Variants in DLG2 observed in about 807,000 individuals in gnomAD.
DLG2 encodes disks large homolog 2.
In DLG2, 45 loss-of-function variants were observed where a neutral mutation model predicts 132.5. That is an observed-to-expected ratio of 0.34 (90% CI 0.27 to 0.44). DLG2 has a LOEUF of 0.44. Ranked by LOEUF, DLG2 falls within the 20% of genes least tolerant of loss-of-function variation. The pLI, the probability that DLG2 is intolerant of heterozygous loss-of-function variation, is 1.00. For missense variants in DLG2, 1,045 were observed against 1,196.9 expected (o/e 0.87, Z 1.87); for synonymous variants, 424 against 419.6 (o/e 1.01, Z -0.13).
chr11:85,478,799 C>T (rs2093214451), intron 3 of DLG2, among the ~76,000 whole-genome samples: 1 of 152,094 alleles, frequency 6.6e-6, no homozygotes, highest in South Asian at 2.1e-4. Context: ...GTATATGTAA[C>T]AAATAATTGG....
intron 6 of DLG2, among the ~76,000 whole-genome samples, chr11:84,714,657 C>CTCTCTCTCTCTT (rs2060996201): frequency 1.4e-5 from 2 of 143,474 alleles, no homozygotes; most frequent in African/African-American, 5.6e-5. Context: ...TTCTCTCTCT[C>CTCTCTCTCTCTT]TCTCTCTCTC....
intron 3 of DLG2, among the ~76,000 whole-genome samples, chr11:85,334,320 CTTTT>C (rs762213624): frequency 1.8e-4 from 28 of 151,990 alleles, no homozygotes; most frequent in African/African-American, 6.5e-4. Flanking sequence ...GATCTTCTCT[CTTTT>C]TTTATTTATT....
intron 7 of DLG2, among the ~76,000 whole-genome samples, chr11:84,511,025 G>A (rs2099255731): frequency 6.6e-6 from 1 of 152,050 alleles, no homozygotes; most frequent in Admixed American, 6.6e-5. Context: ...TAGGGATAAG[G>A]AAATATCAAC....
chr11:83,562,094 G>A (rs1410843355), intron 19 of DLG2, among the ~76,000 whole-genome samples: 1 of 151,624 alleles, frequency 6.6e-6, no homozygotes, highest in East Asian at 1.9e-4. Context: ...TCACCATGTT[G>A]GCCAGGTTGG....
intron 3 of DLG2, among the ~76,000 whole-genome samples, chr11:85,349,117 G>A (rs1209515594): frequency 6.6e-6 from 1 of 152,082 alleles, no homozygotes; most frequent in Non-Finnish European, 1.5e-5. Context: ...TTGGAATTCA[G>A]GCTCAACTGA....
At chr11:84,020,114 G>A (rs2095346799) in intron 11 of DLG2, among the ~76,000 whole-genome samples, 1 of 152,124 alleles carries the variant, frequency 6.6e-6, no homozygotes, top group Non-Finnish European at 1.5e-5. Flanking sequence ...GGAGGCACTG[G>A]AGGTTTCAAG....
At chr11:85,290,121 C>T (rs992789952) in intron 3 of DLG2, among the ~76,000 whole-genome samples, 1 of 152,094 alleles carries the variant, frequency 6.6e-6, no homozygotes, top group African/African-American at 2.4e-5. Context: ...TTTTAAGGAT[C>T]TAACAGAAGA....
At chr11:84,365,158 G>T (rs1183367600) in intron 7 of DLG2, among the ~76,000 whole-genome samples, 3 of 151,996 alleles carry the variant, frequency 2.0e-5, no homozygotes, top group African/African-American at 7.2e-5. Context: ...CTTTTTGGTT[G>T]GTAAGCTATT....
intron 3 of DLG2, among the ~76,000 whole-genome samples, chr11:85,569,617 A>C (rs2077729004): frequency 6.6e-6 from 1 of 152,154 alleles, no homozygotes; most frequent in Non-Finnish European, 1.5e-5. Flanking sequence ...ACGTGAAAAA[A>C]TGCTCATTAT....
chr11:83,640,875 T>C (rs749450751), intron 18 of DLG2, among the ~76,000 whole-genome samples: 6 of 152,174 alleles, frequency 3.9e-5, no homozygotes, highest in Non-Finnish European at 5.9e-5. Flanking sequence ...TGGTTACTTA[T>C]AGAGTGAGAA....
chr11:83,882,550 C>T (rs760329311), intron 15 of DLG2, among the ~76,000 whole-genome samples: 20 of 152,250 alleles, frequency 1.3e-4, no homozygotes, highest in African/African-American at 3.9e-4. Flanking sequence ...TCAGCAATGA[C>T]GTGGTGACTC....
intron 7 of DLG2, among the ~76,000 whole-genome samples, chr11:84,267,422 T>C (rs1281058875): frequency 6.6e-6 from 1 of 152,210 alleles, no homozygotes; most frequent in Non-Finnish European, 1.5e-5. Flanking sequence ...CCTCAGCTGA[T>C]CTGTTTATCT....
At chr11:84,945,892 C>T (rs957466417) in intron 6 of DLG2, among the ~76,000 whole-genome samples, 7 of 152,076 alleles carry the variant, frequency 4.6e-5, no homozygotes, top group Non-Finnish European at 7.4e-5. Context: ...CTCTATTCAA[C>T]TGCAGCTGAG....
intron 7 of DLG2, among the ~76,000 whole-genome samples, chr11:84,448,191 A>G (rs1367590396): frequency 2.0e-5 from 3 of 152,070 alleles, no homozygotes; most frequent in African/African-American, 7.2e-5. Context: ...TTTAAGTAAA[A>G]TTCAGTTAGC....
At chr11:83,856,907 T>C (rs2060621491) in intron 16 of DLG2, among the ~76,000 whole-genome samples, 1 of 152,222 alleles carries the variant, frequency 6.6e-6, no homozygotes, top group Non-Finnish European at 1.5e-5. Context: ...CCTGTGCCTA[T>C]ATTCTGAATG....
chr11:84,562,535 G>A (rs887306527), intron 6 of DLG2, among the ~76,000 whole-genome samples: 2 of 151,962 alleles, frequency 1.3e-5, no homozygotes, highest in Non-Finnish European at 2.9e-5. Context: ...GGAATTGTTT[G>A]TGTCATTTGT....
intron 7 of DLG2, among the ~76,000 whole-genome samples, chr11:84,361,166 A>G (rs1282413584): frequency 6.6e-6 from 1 of 151,900 alleles, no homozygotes; most frequent in Non-Finnish European, 1.5e-5. Flanking sequence ...GAGGGAAAAT[A>G]AAAACACTAT....
intron 19 of DLG2, among the ~76,000 whole-genome samples, chr11:83,578,075 T>TACACAC (rs148521282): frequency 0.36 from 48,395 of 134,444 alleles, 9,085 homozygotes; most frequent in Admixed American, 0.47. Context: ...TATATATGTA[T>TACACAC]ACACACACAC....
chr11:85,052,001 T>C (rs2062945135), intron 6 of DLG2, among the ~76,000 whole-genome samples: 1 of 152,100 alleles, frequency 6.6e-6, no homozygotes, highest in Admixed American at 6.6e-5. Context: ...TTCTAAATAA[T>C]GATAAAATAG....
Sources: gnomAD v4.1 joint callset for allele counts (sites outside exome capture counted in the v4.1 genomes callset) on GRCh38, gnomAD v4.1.1 for gene constraint, MANE v1.5 for transcripts, NCBI Gene and HGNC (gene_info 2026-07-23, HGNC 2026-07-21) for gene names.